CNTNAP5: variants seen among roughly 807,000 people sequenced by gnomAD.
CNTNAP5 encodes the protein contactin-associated protein-like 5.
In CNTNAP5, 72 loss-of-function variants were observed where a neutral mutation model predicts 150.2. That is an observed-to-expected ratio of 0.48 (90% CI 0.40 to 0.58). The LOEUF (loss-of-function observed/expected upper bound fraction) is 0.58, where lower values mean the gene tolerates loss of function less well. CNTNAP5 is among the 20% of genes least tolerant of loss of function. The pLI, the probability that CNTNAP5 is intolerant of heterozygous loss-of-function variation, is 0.00. For missense variants in CNTNAP5, 1,636 were observed against 1,626.2 expected (o/e 1.01, Z -0.10); for synonymous variants, 672 against 619.8 (o/e 1.08, Z -1.25).
chr2:124,679,065 C>G (rs1573542555), intron 13 of CNTNAP5, among the ~76,000 whole-genome samples: 1 of 151,898 alleles, frequency 6.6e-6, no homozygotes, highest in African/African-American at 2.4e-5. Context: ...TCAGCTCCAC[C>G]CATATCTTCT....
intron 12 of CNTNAP5, among the ~76,000 whole-genome samples, chr2:124,618,745 C>T (rs553298396): frequency 6.6e-6 from 1 of 152,180 alleles, no homozygotes; most frequent in South Asian, 2.1e-4. Flanking sequence ...TATTGACCTG[C>T]TTAAAGGACT....
chr2:124,720,901 A>T (rs2105115637), intron 13 of CNTNAP5, among the ~76,000 whole-genome samples: 1 of 152,152 alleles, frequency 6.6e-6, no homozygotes, highest in South Asian at 2.1e-4. Context: ...TGGCCCCTTA[A>T]TTTTTTTCTT....
chr2:124,517,894 T>A (rs949464342), intron 8 of CNTNAP5, among the ~76,000 whole-genome samples: 1 of 151,364 alleles, frequency 6.6e-6, no homozygotes, highest in African/African-American at 2.4e-5. Context: ...GATGGAGGGT[T>A]GTGGTATTGG....
At chr2:124,148,139 T>C (rs1684299287) in intron 1 of CNTNAP5, among the ~76,000 whole-genome samples, 1 of 152,044 alleles carries the variant, frequency 6.6e-6, no homozygotes, top group Admixed American at 6.5e-5. Context: ...TATTTAGTTT[T>C]TAACTAAATT....
chr2:124,213,235 A>G (rs1339653303), intron 1 of CNTNAP5, among the ~76,000 whole-genome samples: 1 of 152,198 alleles, frequency 6.6e-6, no homozygotes, highest in Non-Finnish European at 1.5e-5. Context: ...AAGGCAACAT[A>G]TTAAAAATGG....
intron 3 of CNTNAP5, among the ~76,000 whole-genome samples, chr2:124,245,688 TATATATATACACACAA>T (rs1269530291): frequency 6.7e-6 from 1 of 150,330 alleles, no homozygotes; most frequent in Non-Finnish European, 1.5e-5. Flanking sequence ...TACACACAAA[TATATATATACACACAA>T]ATATATATTT....
chr2:124,782,764 C>A (rs1242313140), intron 17 of CNTNAP5, among the ~76,000 whole-genome samples: 1 of 152,136 alleles, frequency 6.6e-6, no homozygotes, highest in African/African-American at 2.4e-5. Context: ...TTTGCATTAT[C>A]TACTGAAGTC....
chr2:124,592,029 G>T (rs1287193152), intron 11 of CNTNAP5, among the ~76,000 whole-genome samples: 1 of 152,094 alleles, frequency 6.6e-6, no homozygotes, highest in Non-Finnish European at 1.5e-5. Flanking sequence ...CAGAAGCTCA[G>T]CTTGTAGTGT....
chr2:124,838,114 G>C (rs1440064677), intron 19 of CNTNAP5, among the ~76,000 whole-genome samples: 1 of 151,778 alleles, frequency 6.6e-6, no homozygotes, highest in Non-Finnish European at 1.5e-5. Flanking sequence ...AGCTTCAGAG[G>C]GATTAAAAAA....
At chr2:124,426,300 T>C (rs1207217529) in intron 4 of CNTNAP5, among the ~76,000 whole-genome samples, 1 of 152,230 alleles carries the variant, frequency 6.6e-6, no homozygotes, top group Non-Finnish European at 1.5e-5. Flanking sequence ...CTCATTTTCA[T>C]AGTTCATCTG....
At chr2:124,676,749 C>G (rs1375588352) in intron 13 of CNTNAP5, among the ~76,000 whole-genome samples, 1 of 152,180 alleles carries the variant, frequency 6.6e-6, no homozygotes, top group Non-Finnish European at 1.5e-5. Flanking sequence ...GGGAGCAGAG[C>G]AAGTTAAAGC....
chr2:124,236,466 G>A (rs76789435), intron 2 of CNTNAP5, among the ~76,000 whole-genome samples: 2,447 of 152,282 alleles, frequency 0.016, 27 homozygotes, highest in Non-Finnish European at 0.025. Context: ...GGGTGATCCC[G>A]TTCTACAGGG....
intron 11 of CNTNAP5, among the ~76,000 whole-genome samples, chr2:124,609,428 A>G (rs1423879251): frequency 1.3e-5 from 2 of 152,066 alleles, no homozygotes; most frequent in Non-Finnish European, 2.9e-5. Flanking sequence ...ATCTCTATAA[A>G]CATTTTTTTA....
intron 13 of CNTNAP5, among the ~76,000 whole-genome samples, chr2:124,739,325 C>T (rs1274290129): frequency 6.6e-6 from 1 of 152,132 alleles, no homozygotes; most frequent in East Asian, 1.9e-4. Context: ...TTGATGAGTG[C>T]CTGCCATTAT....
intron 23 of CNTNAP5, among the ~76,000 whole-genome samples, 191 bp from the exon 24 acceptor site, chr2:124,913,901 G>A (rs1678706975): frequency 6.6e-6 from 1 of 152,182 alleles, no homozygotes; most frequent in East Asian, 1.9e-4. Context: ...AAAGAAGGAG[G>A]TTTTATAGTA....
chr2:124,617,512 C>T (rs1004496452), intron 12 of CNTNAP5, among the ~76,000 whole-genome samples: 3 of 152,082 alleles, frequency 2.0e-5, no homozygotes, highest in Admixed American at 6.6e-5. Context: ...GATGTTGTCA[C>T]GTGGCCTTCT....
At chr2:124,613,983 T>C (rs75120820) in intron 12 of CNTNAP5, among the ~76,000 whole-genome samples, 4,737 of 152,192 alleles carry the variant, frequency 0.031, 72 homozygotes, top group Middle Eastern at 0.051. Context: ...AATTTTTGGT[T>C]GGAGAATTGA....
At chr2:124,074,728 C>T (rs944189901) in intron 1 of CNTNAP5, among the ~76,000 whole-genome samples, 1 of 152,058 alleles carries the variant, frequency 6.6e-6, no homozygotes, top group Non-Finnish European at 1.5e-5. Context: ...AAAGCAGGAT[C>T]TATAAATTTG....
At chr2:124,652,339 G>C (rs569268134) in intron 13 of CNTNAP5, among the ~76,000 whole-genome samples, 9 of 152,216 alleles carry the variant, frequency 5.9e-5, no homozygotes, top group Admixed American at 3.9e-4. Flanking sequence ...GAGCCCAGGG[G>C]GGGAGAATCA....
Sources: allele counts gnomAD v4.1 joint callset (sites outside exome capture counted in the v4.1 genomes callset), GRCh38; gene constraint gnomAD v4.1.1; transcripts MANE v1.5; gene names NCBI Gene and HGNC (gene_info 2026-07-23, HGNC 2026-07-21).